ERCC8: variants seen among roughly 807,000 people sequenced by gnomAD.
ERCC8 encodes the protein ERCC excision repair 8, CSA ubiquitin ligase complex subunit.
ERCC8 carries 52 observed loss-of-function variants against 54.9 expected under a neutral mutation model. The ratio of observed to expected loss-of-function variants is 0.95; its 90% CI spans 0.76 to 1.19. ERCC8 has a LOEUF of 1.19. Among genes scored for constraint, ERCC8 ranks in the 50% most tolerant of loss-of-function variants. ERCC8 has a pLI of 0.00. For synonymous variants in ERCC8, 146 were observed against 157.2 expected (o/e 0.93, Z 0.53); for missense variants, 514 against 466.1 (o/e 1.10, Z -0.95).
At chr5:60,929,568 C>T (rs1749849234) in intron 1 of ERCC8, among the ~76,000 whole-genome samples, 1 of 152,088 alleles carries the variant, frequency 6.6e-6, no homozygotes, top group Non-Finnish European at 1.5e-5. Context: ...GCCTGGGTGA[C>T]AGAGTGAGAT....
At chr5:60,939,173 T>C (rs1420979628) in intron 1 of ERCC8, among the ~76,000 whole-genome samples, 1 of 152,222 alleles carries the variant, frequency 6.6e-6, no homozygotes, top group Non-Finnish European at 1.5e-5. Flanking sequence ...AAGTTGCTAT[T>C]CATTTCCATC....
rs1561489735 is a variant in ERCC8 at position 60,868,439 on chromosome 5, A to G, written c.*6176T>C. On this transcript the variant is annotated 3_prime_UTR_variant, in exon 12 of 12. Transcript: ENST00000676185. Reference sequence around the variant, plus strand: ...GGACATTGGGCACCTGAAAAGTCCTACACACAGAGAACTAAGAGAGGTCGC... The same window carrying G: ...GGACATTGGGCACCTGAAAAGTCCTGCACACAGAGAACTAAGAGAGGTCGC... Among the ~76,000 whole-genome samples, 1 of 152,224 alleles carries G rather than the reference A, an allele frequency of 6.6e-6. No individual in the cohort carries two copies. Among genetic ancestry groups the G allele is most frequent in the Non-Finnish European group, 1.5e-5 (1 of 68,038 alleles).
intron 4 of ERCC8, among the ~76,000 whole-genome samples, chr5:60,913,888 C>A (rs376948846): frequency 1.3e-5 from 2 of 151,982 alleles, no homozygotes; most frequent in African/African-American, 2.4e-5. Flanking sequence ...TCAGTTCCCA[C>A]GCAGTTGTGT....
intron 4 of ERCC8, among the ~76,000 whole-genome samples, chr5:60,907,736 A>G (rs912898267): frequency 3.3e-5 from 5 of 152,102 alleles, no homozygotes; most frequent in African/African-American, 9.7e-5. Context: ...TTTCATCTTA[A>G]CACCGCTTCC....
rs1243660279 is a variant in ERCC8, at chr5:60,872,216, G to C, written c.*2399C>G. On this transcript the variant is annotated 3_prime_UTR_variant, in exon 12 of 12. Transcript: ENST00000676185. ...TTTGAAACTATCAGAAGAAAACATG[G>C]AGAAAATGCTCCATGACATTGGTCT... Among the ~76,000 whole-genome samples the C allele has an allele frequency of 1.3e-5, 2 of 152,134 alleles. No homozygotes were observed. The highest frequency in any genetic ancestry group is 1.3e-4 in the Admixed American group (2 of 15,264).
chr5:60,886,563 G>A (rs756080352), intron 11 of ERCC8, among the ~76,000 whole-genome samples: 8 of 151,820 alleles, frequency 5.3e-5, no homozygotes, highest in Non-Finnish European at 8.8e-5. Context: ...TTAGCCAGGC[G>A]TGGTGGCGGG....
At chr5:60,944,735 C>CT (rs70977816) in intron 1 of ERCC8, among the ~76,000 whole-genome samples, 197 bp downstream of exon 1, 1 of 140,226 alleles carries the variant, frequency 7.1e-6, no homozygotes, top group African/African-American at 2.6e-5. Flanking sequence ...GAACCCCCCC[C>CT]ACCCCCGCCG....
chr5:60,892,237 T>C (rs2112478226), intron 9 of ERCC8: 2 of 545,386 alleles, frequency 3.7e-6, no homozygotes, highest in Admixed American at 1.9e-5. Context: ...CAATCTTATA[T>C]ACAGTAGCTT....
chr5:60,893,017 T>C, intron 9 of ERCC8: 4 of 781,668 alleles, frequency 5.1e-6, no homozygotes, highest in Non-Finnish European at 7.1e-6. Flanking sequence ...AAAGCCACAG[T>C]TGGCAACTCA....
At chr5:60,927,530 C>T (rs1308340332) in intron 2 of ERCC8, among the ~76,000 whole-genome samples, 3 of 152,296 alleles carry the variant, frequency 2.0e-5, no homozygotes, top group Middle Eastern at 6.8e-3. Flanking sequence ...AAATATATTT[C>T]ATGCACATAT....
chr5:60,926,718 C>T (rs983487817), intron 2 of ERCC8, among the ~76,000 whole-genome samples: 1 of 152,196 alleles, frequency 6.6e-6, no homozygotes, highest in Non-Finnish European at 1.5e-5. Context: ...TTGTGAGTTA[C>T]ATGTATACTA....
In ERCC8 at chr5:60,904,820, T is replaced by G. The variant is rs1037302131; in HGVS notation, c.453A>C (p.Pro151=). The change falls in exon 5 of 12, where the codon CCA becomes CCC. Residue 151 remains proline (P), a synonymous_variant. Transcript: ENST00000676185. ...CTACCAAACAGTGCTTGGTGGAGAC[T>G]GGAGACATATGATGACTATAAACTG... ...EETVYSHHMS[P]VSTKHCLVAV... The G allele has an allele frequency of 2.5e-6, 4 of 1,601,008 alleles. No individual in the cohort carries two copies. The highest frequency in any genetic ancestry group is 3.3e-5 in the Admixed American group (2 of 59,830).
In ERCC8 at chr5:60,935,867, C is replaced by A. The variant is rs187089092; in HGVS notation, c.78-6908G>T. On this transcript the variant is annotated intron_variant, in intron 1 of 11. Coordinates refer to ENST00000676185, the MANE Select transcript of ERCC8 (RefSeq NM_000082.4). The stretch of plus-strand genomic sequence containing the variant: ...ATGGACTTGCATATGTTAAACCATC[C>A]CTGCATTCCTGGTATGAAACCCACT... Among the ~76,000 whole-genome samples, 610 of 152,116 alleles carry A rather than the reference C, an allele frequency of 4.0e-3. 5 individuals carry two copies. The highest frequency in any genetic ancestry group is 0.014 in the African/African-American group (566 of 41,494).
chr5:60,943,107 C>T (rs74692291), intron 1 of ERCC8, among the ~76,000 whole-genome samples: 3,667 of 151,966 alleles, frequency 0.024, 63 homozygotes, highest in Non-Finnish European at 0.038. Flanking sequence ...CCCATCTCTA[C>T]GAAAAATTTA....
intron 11 of ERCC8, 121 bp downstream of exon 11, chr5:60,887,319 T>TG: frequency 1.2e-6 from 1 of 835,514 alleles, no homozygotes; most frequent in Non-Finnish European, 2.0e-6. Context: ...CCCAGGTACC[T>TG]GGGACTATAG....
chr5:60,933,730 AC>A (rs1749981719), intron 1 of ERCC8, among the ~76,000 whole-genome samples: 1 of 151,808 alleles, frequency 6.6e-6, no homozygotes, highest in Non-Finnish European at 1.5e-5. Context: ...CCCCACTTCC[AC>A]CCTTTCCCCC....
intron 4 of ERCC8, among the ~76,000 whole-genome samples, chr5:60,910,378 T>C (rs994973464): frequency 6.6e-6 from 1 of 152,168 alleles, no homozygotes; most frequent in Non-Finnish European, 1.5e-5. Context: ...TGCATTTCCA[T>C]ATGAACATTA....
At position 60,867,672 on chromosome 5, in the gene ERCC8, A is replaced by T. The variant is rs1747781599; in HGVS notation, c.*6943T>A. Among the ~76,000 whole-genome samples, 1 of 152,246 alleles carries T rather than the reference A, an allele frequency of 6.6e-6. No individual in the cohort carries two copies. Among genetic ancestry groups the T allele is most frequent in the African/African-American group, 2.4e-5 (1 of 41,468 alleles). On this transcript the variant is annotated 3_prime_UTR_variant, in exon 12 of 12. Coordinates refer to ENST00000676185, the MANE Select transcript of ERCC8 (RefSeq NM_000082.4). Reference sequence around the variant, plus strand: ...TAGAAAATATACAGATTTACACAATAGTGGATGATACCATCATGCAGGGTG... The same window carrying T: ...TAGAAAATATACAGATTTACACAATTGTGGATGATACCATCATGCAGGGTG...
intron 11 of ERCC8, among the ~76,000 whole-genome samples, chr5:60,880,074 C>G (rs1411880158): frequency 6.6e-6 from 1 of 152,170 alleles, no homozygotes; most frequent in Non-Finnish European, 1.5e-5. Context: ...GTGACAAAAT[C>G]TCTCAGCATT....
Sources: allele counts gnomAD v4.1 joint callset (sites outside exome capture counted in the v4.1 genomes callset), GRCh38; gene constraint gnomAD v4.1.1; transcripts MANE v1.5; gene names NCBI Gene and HGNC (gene_info 2026-07-23, HGNC 2026-07-21).